Variants in GRID2 observed in about 807,000 individuals in gnomAD.
GRID2 encodes glutamate ionotropic receptor delta type subunit 2.
In GRID2, 33 loss-of-function variants were observed where a neutral mutation model predicts 114.8. That is an observed-to-expected ratio of 0.29 (90% CI 0.22 to 0.38). The LOEUF (loss-of-function observed/expected upper bound fraction) is 0.38, where lower values mean the gene tolerates loss of function less well. Ranked by LOEUF, GRID2 falls within the 10% of genes least tolerant of loss-of-function variation. GRID2 has a pLI of 1.00. For missense variants in GRID2, 1,184 were observed against 1,257.7 expected (o/e 0.94, Z 0.89); for synonymous variants, 505 against 449.9 (o/e 1.12, Z -1.55).
intron 2 of GRID2, among the ~76,000 whole-genome samples, chr4:92,836,787 T>C (rs1323175933): frequency 6.6e-6 from 1 of 152,068 alleles, no homozygotes; most frequent in Non-Finnish European, 1.5e-5. Flanking sequence ...ATTGACTTAG[T>C]TTAGTATTTG....
At chr4:92,835,693 T>A (rs565579914) in intron 2 of GRID2, among the ~76,000 whole-genome samples, 1 of 152,218 alleles carries the variant, frequency 6.6e-6, no homozygotes, top group African/African-American at 2.4e-5. Flanking sequence ...TTGAGAATAA[T>A]TAGATAAAAG....
At chr4:92,582,296 G>A (rs1462968801) in intron 1 of GRID2, among the ~76,000 whole-genome samples, 1 of 151,760 alleles carries the variant, frequency 6.6e-6, no homozygotes, top group Non-Finnish European at 1.5e-5. Context: ...AAATTGAAAG[G>A]CTAGAGATTT....
chr4:93,262,944 T>C (rs1750413542), intron 8 of GRID2, among the ~76,000 whole-genome samples: 1 of 151,980 alleles, frequency 6.6e-6, no homozygotes, highest in Non-Finnish European at 1.5e-5. Context: ...GTTATGAAAG[T>C]GCCTATTTAC....
At chr4:93,267,804 T>G (rs1461222656) in intron 8 of GRID2, among the ~76,000 whole-genome samples, 3 of 152,228 alleles carry the variant, frequency 2.0e-5, no homozygotes, top group African/African-American at 7.2e-5. Context: ...CCCAAGACAC[T>G]CTGAAGCAGT....
At chr4:93,314,899 A>G (rs1397298369) in intron 8 of GRID2, among the ~76,000 whole-genome samples, 1 of 152,082 alleles carries the variant, frequency 6.6e-6, no homozygotes, top group African/African-American at 2.4e-5. Flanking sequence ...CTCCCTTACC[A>G]GATTTCAAGT....
intron 11 of GRID2, among the ~76,000 whole-genome samples, chr4:93,466,687 GC>G (rs1724306211): frequency 6.6e-6 from 1 of 152,118 alleles, no homozygotes; most frequent in South Asian, 2.1e-4. Flanking sequence ...TTCTGCCCCG[GC>G]CCTGTTTTAG....
chr4:92,998,342 T>C (rs972063345), intron 2 of GRID2, among the ~76,000 whole-genome samples: 23 of 152,198 alleles, frequency 1.5e-4, no homozygotes, highest in African/African-American at 5.3e-4. Context: ...AAGAAAATTA[T>C]ATTCTCTACA....
chr4:92,853,736 T>A (rs1438043404), intron 2 of GRID2, among the ~76,000 whole-genome samples: 4 of 151,978 alleles, frequency 2.6e-5, no homozygotes, highest in Non-Finnish European at 5.9e-5. Context: ...ACAGTGAATT[T>A]GGAAAAGAAA....
At chr4:93,712,290 A>G (rs190394790) in intron 14 of GRID2, among the ~76,000 whole-genome samples, 1 of 152,068 alleles carries the variant, frequency 6.6e-6, no homozygotes, top group East Asian at 1.9e-4. Context: ...TCTACTTGGA[A>G]TCTATCTTTT....
chr4:93,664,706 G>A (rs1723801388), intron 14 of GRID2, among the ~76,000 whole-genome samples: 1 of 152,252 alleles, frequency 6.6e-6, no homozygotes, highest in African/African-American at 2.4e-5. Flanking sequence ...AAGCTGTGGA[G>A]TATACATAAT....
At chr4:92,348,766 AG>A (rs1727914188) in intron 1 of GRID2, among the ~76,000 whole-genome samples, 1 of 152,160 alleles carries the variant, frequency 6.6e-6, no homozygotes, top group Admixed American at 6.6e-5. Flanking sequence ...TAACGTCTCC[AG>A]GCCCTAAGCA....
chr4:93,407,394 T>G (rs1023496750), intron 9 of GRID2, among the ~76,000 whole-genome samples: 5 of 152,272 alleles, frequency 3.3e-5, no homozygotes, highest in African/African-American at 1.2e-4. Context: ...ATGGAAAAGC[T>G]GATCAAAGGA....
At chr4:93,104,682 C>T (rs1732031041) in intron 3 of GRID2, among the ~76,000 whole-genome samples, 1 of 152,158 alleles carries the variant, frequency 6.6e-6, no homozygotes, top group South Asian at 2.1e-4. Flanking sequence ...GTATATGTGT[C>T]ACATTTTCTT....
intron 11 of GRID2, among the ~76,000 whole-genome samples, chr4:93,483,281 A>T (rs952276561): frequency 6.6e-6 from 1 of 151,990 alleles, no homozygotes; most frequent in Non-Finnish European, 1.5e-5. Flanking sequence ...TCTATTTACT[A>T]TGAGTTTTTA....
intron 8 of GRID2, among the ~76,000 whole-genome samples, chr4:93,268,322 C>A (rs928468593): frequency 1.3e-5 from 2 of 152,104 alleles, no homozygotes; most frequent in Non-Finnish European, 2.9e-5. Context: ...AGAGAATGAG[C>A]TTTTTGGTCT....
intron 4 of GRID2, among the ~76,000 whole-genome samples, chr4:93,172,911 CTTTTTT>C (rs544933733): frequency 6.9e-6 from 1 of 145,872 alleles, no homozygotes; most frequent in Non-Finnish European, 1.5e-5. Flanking sequence ...ACATCTTAAA[CTTTTTT>C]TTTTTTCAGT....
At chr4:92,809,948 G>T (rs79041160) in intron 2 of GRID2, among the ~76,000 whole-genome samples, 6 of 152,050 alleles carry the variant, frequency 3.9e-5, no homozygotes, top group Non-Finnish European at 7.4e-5. Context: ...TTCAACAAAC[G>T]TTGGTCCTGT....
At chr4:92,347,452 C>T (rs1727826248) in intron 1 of GRID2, among the ~76,000 whole-genome samples, 1 of 152,072 alleles carries the variant, frequency 6.6e-6, no homozygotes, top group South Asian at 2.1e-4. Flanking sequence ...GAGGATGAGC[C>T]TATTTACTTC....
intron 10 of GRID2, among the ~76,000 whole-genome samples, chr4:93,441,483 C>T (rs1015459062): frequency 7.8e-5 from 11 of 140,514 alleles, no homozygotes; most frequent in Admixed American, 4.2e-4. Flanking sequence ...TATATTTCCT[C>T]TTTCTCTTTT....
Sources: allele counts gnomAD v4.1 joint callset (sites outside exome capture counted in the v4.1 genomes callset), GRCh38; gene constraint gnomAD v4.1.1; transcripts MANE v1.5; gene names NCBI Gene and HGNC (gene_info 2026-07-23, HGNC 2026-07-21).